Variants in PRRX1 observed in about 807,000 individuals in gnomAD.
The protein encoded by PRRX1 is paired mesoderm homeobox protein 1.
PRRX1 carries 8 observed loss-of-function variants against 24.0 expected under a neutral mutation model. The ratio of observed to expected loss-of-function variants is 0.33; its 90% CI spans 0.20 to 0.60. The LOEUF (loss-of-function observed/expected upper bound fraction) is 0.60, where lower values mean the gene tolerates loss of function less well. Ranked by LOEUF, PRRX1 falls within the 20% of genes least tolerant of loss-of-function variation. The probability of loss-of-function intolerance (pLI) is 0.82; values close to 1 mark genes in which losing one functional copy is unlikely to be tolerated. For synonymous variants in PRRX1, 160 were observed against 131.7 expected, an observed-to-expected ratio of 1.22 and a Z score of -1.47; for missense variants, 281 against 322.4, an observed-to-expected ratio of 0.87 and a Z score of 0.98.
At chr1:170,674,525 A>G (rs1558044093) in intron 1 of PRRX1, among the ~76,000 whole-genome samples, 2 of 152,188 alleles carry the variant, frequency 1.3e-5, no homozygotes, top group East Asian at 1.9e-4. Context: ...ACTATGGGAA[A>G]TAACAATCAG....
chr1:170,739,411 T>C lies in PRRX1; in HGVS notation c.*3225T>C, dbSNP rs1204523124. 2 of 172,788 alleles carry C rather than the reference T, an allele frequency of 1.2e-5. No individual in the cohort carries two copies. The highest frequency in any genetic ancestry group is 2.4e-5 in the African/African-American group (1 of 42,106). 10.7% of individuals were successfully genotyped at this position (172,788 alleles called of 1,614,324 possible). A position where few individuals can be genotyped will look rare whatever the true frequency, so the allele number is the denominator to read the frequency against. On this transcript the variant is annotated 3_prime_UTR_variant, in exon 4 of 4. Transcript: ENST00000239461. ...GAAAGAAGGACTCTACCATGTCTTT[T>C]GTTATATACATTTAAGCCTGCTGAT...
intron 1 of PRRX1, among the ~76,000 whole-genome samples, chr1:170,716,742 T>C (rs1044251537): frequency 1.3e-5 from 2 of 152,184 alleles, no homozygotes; most frequent in African/African-American, 4.8e-5. Context: ...TTCACTGTAG[T>C]TGTTTTTGCA....
chr1:170,734,053 G>T (rs1325835857), intron 3 of PRRX1, among the ~76,000 whole-genome samples: 1 of 152,084 alleles, frequency 6.6e-6, no homozygotes, highest in African/African-American at 2.4e-5. Flanking sequence ...AGTCTAAACT[G>T]TACTAATAAC....
At chr1:170,688,403 G>A (rs147917594) in intron 1 of PRRX1, among the ~76,000 whole-genome samples, 205 of 151,924 alleles carry the variant, frequency 1.3e-3, no homozygotes, top group African/African-American at 4.7e-3. Flanking sequence ...AAAAGTAATA[G>A]AATTTTTAAA....
chr1:170,680,629 T>C (rs572070936), intron 1 of PRRX1, among the ~76,000 whole-genome samples: 42 of 152,294 alleles, frequency 2.8e-4, no homozygotes, highest in Non-Finnish European at 5.4e-4. Context: ...GCAAATCTTG[T>C]TGTTGCATAA....
At chr1:170,733,683 T>A (rs1655514697) in intron 3 of PRRX1, among the ~76,000 whole-genome samples, 1 of 152,118 alleles carries the variant, frequency 6.6e-6, no homozygotes, top group Non-Finnish European at 1.5e-5. Context: ...GAAACCTGAT[T>A]AAGAAAGGTT....
chr1:170,682,402 C>T (rs894148441), intron 1 of PRRX1, among the ~76,000 whole-genome samples: 2 of 152,050 alleles, frequency 1.3e-5, no homozygotes, highest in African/African-American at 4.8e-5. Flanking sequence ...TCTAGAGTTC[C>T]CCGTAAGGAA....
chr1:170,703,368 C>T (rs1205296031), intron 1 of PRRX1, among the ~76,000 whole-genome samples: 1 of 151,940 alleles, frequency 6.6e-6, no homozygotes, highest in Non-Finnish European at 1.5e-5. Flanking sequence ...TGCAAGACCT[C>T]CTAGTGTAGT....
intron 1 of PRRX1, among the ~76,000 whole-genome samples, chr1:170,696,769 G>C (rs2101901716): frequency 6.6e-6 from 1 of 152,248 alleles, no homozygotes; most frequent in African/African-American, 2.4e-5. Flanking sequence ...AAACAGTAAA[G>C]TTCTCACAGA....
intron 1 of PRRX1, among the ~76,000 whole-genome samples, chr1:170,666,302 C>A (rs948908531): frequency 4.7e-5 from 7 of 149,962 alleles, no homozygotes; most frequent in Admixed American, 1.3e-4. Context: ...CCTGTAATCC[C>A]GGTTACTCAG....
chr1:170,707,404 C>A (rs1211954716), intron 1 of PRRX1, among the ~76,000 whole-genome samples: 1 of 151,796 alleles, frequency 6.6e-6, no homozygotes, highest in Non-Finnish European at 1.5e-5. Flanking sequence ...CTCTTGTTGG[C>A]CAGATAAAAA....
intron 1 of PRRX1, among the ~76,000 whole-genome samples, chr1:170,707,081 G>C (rs1047197108): frequency 1.3e-5 from 2 of 151,714 alleles, no homozygotes; most frequent in Non-Finnish European, 2.9e-5. Context: ...CTGTGATTAT[G>C]CCACCGTACC....
At chr1:170,725,690 C>T (rs557997821) in intron 2 of PRRX1, among the ~76,000 whole-genome samples, 2 of 152,306 alleles carry the variant, frequency 1.3e-5, no homozygotes, top group Admixed American at 1.3e-4. Context: ...TACTTCCTTG[C>T]TCCCCAAATG....
intron 1 of PRRX1, among the ~76,000 whole-genome samples, chr1:170,670,194 T>C (rs145162811): frequency 7.0e-4 from 107 of 152,314 alleles, no homozygotes; most frequent in African/African-American, 2.1e-3. Flanking sequence ...GTATTTTACT[T>C]TGATGCTTTT....
chr1:170,677,119 A>C (rs1653349040), intron 1 of PRRX1, among the ~76,000 whole-genome samples: 1 of 152,244 alleles, frequency 6.6e-6, no homozygotes. Flanking sequence ...AAAATGTGAA[A>C]TATTTTAAAT....
Position 170,664,476 on chromosome 1 carries a change from T to C in PRRX1, c.241+17T>C, listed in dbSNP as rs1158113210. ...AGCAGGACAGTGAGTGAGGGGCGCA[T>C]GCCCACGGGGGTGTGTGCCCGGGAC... On this transcript the variant is annotated intron_variant, in intron 1 of 3. Coordinates refer to ENST00000239461, the MANE Select transcript of PRRX1 (RefSeq NM_022716.4). 2 of 1,588,328 alleles carry C rather than the reference T, an allele frequency of 1.3e-6. No individual in the cohort carries two copies. Among genetic ancestry groups the C allele is most frequent in the African/African-American group, 2.7e-5 (2 of 74,564 alleles).
At chr1:170,687,401 A>G (rs1005290197) in intron 1 of PRRX1, among the ~76,000 whole-genome samples, 4 of 152,136 alleles carry the variant, frequency 2.6e-5, no homozygotes, top group Non-Finnish European at 4.4e-5. Flanking sequence ...ATGCTCCCCA[A>G]CTTTTGTGAA....
At chr1:170,676,586 A>C (rs1653327136) in intron 1 of PRRX1, among the ~76,000 whole-genome samples, 1 of 152,210 alleles carries the variant, frequency 6.6e-6, no homozygotes, top group Admixed American at 6.5e-5. Flanking sequence ...GATAAAACAT[A>C]AAACTGCTTC....
At chr1:170,703,855 T>A (rs745439128) in intron 1 of PRRX1, among the ~76,000 whole-genome samples, 2 of 152,170 alleles carry the variant, frequency 1.3e-5, no homozygotes, top group Non-Finnish European at 2.9e-5. Flanking sequence ...GAATACGTAG[T>A]TGAGACCAAA....
Sources: gnomAD v4.1 joint callset for allele counts (sites outside exome capture counted in the v4.1 genomes callset) on GRCh38, gnomAD v4.1.1 for gene constraint, MANE v1.5 for transcripts, NCBI Gene and HGNC (gene_info 2026-07-23, HGNC 2026-07-21) for gene names.